The following THAP5 variants were observed in gnomAD, a reference collection of about 807,000 sequenced individuals.
THAP5 encodes THAP domain-containing protein 5.
Under a neutral mutation model 34.0 loss-of-function variants are expected in THAP5, and 26 were observed. That is an observed-to-expected ratio of 0.77 (90% CI 0.56 to 1.06). THAP5 has a LOEUF of 1.06. Ranked by LOEUF, THAP5 falls within the 50% of genes least tolerant of loss-of-function variation. THAP5 has a pLI of 0.00. For synonymous variants in THAP5, 125 were observed against 153.0 expected (o/e 0.82, Z 1.35); for missense variants, 394 against 452.8 (o/e 0.87, Z 1.18).
chr7:108,564,147 G>T lies in THAP5; in HGVS notation c.*44C>A, dbSNP rs1205304797. ...ACTTTACATGTAGTTTGGTTTGGCT[G>T]GAAAAAGCTTATTTAACAGCCATAG... On this transcript the variant is annotated 3_prime_UTR_variant, in exon 3 of 3. Transcript: ENST00000415914. 4 of 1,469,738 alleles carry T rather than the reference G, an allele frequency of 2.7e-6. No homozygotes were observed. The highest frequency in any genetic ancestry group is 1.4e-5 in the South Asian group (1 of 71,770). The allele number at this position is 1,469,738 out of a possible 1,614,324, so 91.0% of individuals were successfully genotyped here.
chr7:108,559,457 A>G (rs1357227795), downstream of THAP5, among the ~76,000 whole-genome samples: 1 of 152,224 alleles, frequency 6.6e-6, no homozygotes, highest in Non-Finnish European at 1.5e-5. Context: ...TACTATTCGT[A>G]TACATGCCAC....
rs1208439248 is a variant in THAP5, at chr7:108,565,077, T to G, written c.302A>C (p.Gln101Pro). ...TTTCTCATCTTCCAAGTTTTTCTTC[T>G]GGGATTTTTTTTTAGAAGGGTCTTT... The part of the protein sequence containing the change: ...QGKDPSKKKS[Q>P]KKNLEDEKEV... Residue 101 changes from glutamine (Q) to proline (P), a missense_variant, in exon 3 of 3, where the codon CAG (glutamine) becomes CCG (proline). Coordinates refer to ENST00000415914, the MANE Select transcript of THAP5 (RefSeq NM_001130475.3). The G allele has an allele frequency of 3.3e-6, 5 of 1,517,314 alleles. No homozygotes were observed. The highest frequency in any genetic ancestry group is 1.7e-4 in the Middle Eastern group (1 of 5,790). 94.0% of individuals were successfully genotyped at this position (1,517,314 alleles called of 1,614,324 possible).
At chr7:108,553,721 AC>A (rs1211244586), downstream of THAP5, among the ~76,000 whole-genome samples, 1 of 152,170 alleles carries the variant, frequency 6.6e-6, no homozygotes, top group African/African-American at 2.4e-5. Flanking sequence ...GTGGCAGAGA[AC>A]CTTGCTGAGG....
rs1181686273 is a variant in THAP5, at chr7:108,565,090, T to A, written c.289A>T (p.Lys97Ter). The change falls in exon 3 of 3, where the codon AAA becomes TAA. Residue 97 changes from lysine (K) to a stop codon, truncating the protein, a stop_gained. Transcript: ENST00000415914. LOFTEE classifies it high-confidence loss of function. ...AAGTTTTTCTTCTGGGATTTTTTTTTAGAAGGGTCTTTTCCCTAGAAAATA... is the reference window on the plus strand; with the variant it reads ...AAGTTTTTCTTCTGGGATTTTTTTTAAGAAGGGTCTTTTCCCTAGAAAATA... Reference protein sequence around the residue: ...PEDNQGKDPSKKKSQKKNLED... With the variant: ...PEDNQGKDPS The A allele has an allele frequency of 1.7e-5, 25 of 1,514,798 alleles. No individual in the cohort carries two copies. The highest frequency in any genetic ancestry group is 2.1e-5 in the Non-Finnish European group (24 of 1,133,570). The allele number at this position is 1,514,798 out of a possible 1,614,324, so 93.8% of individuals were successfully genotyped here.
Position 108,569,309 on chromosome 7 carries a change from C to T in THAP5, c.80+181G>A, listed in dbSNP as rs1011339357. ...TCGCCACCAGCCAGCAGTCCTCGCG[C>T]AAGAAGGGCATTGCTAGCTAAACTG... On this transcript the variant is annotated intron_variant, in intron 1 of 2. Coordinates refer to ENST00000415914, the MANE Select transcript of THAP5 (RefSeq NM_001130475.3). 19 of 1,448,286 alleles carry T rather than the reference C, an allele frequency of 1.3e-5. 1 individual carries two copies. Among genetic ancestry groups the T allele is most frequent in the Non-Finnish European group, 1.4e-5 (15 of 1,104,188 alleles). 89.7% of individuals were successfully genotyped at this position (1,448,286 alleles called of 1,614,324 possible).
intron 1 of THAP5, chr7:108,569,008 A>C: frequency 1.5e-6 from 1 of 669,362 alleles, no homozygotes; most frequent in African/African-American, 2.0e-5. Flanking sequence ...TCTGGCTCTG[A>C]CACTAAACTT....
the THAP5 span, among the ~76,000 whole-genome samples, chr7:108,544,614 C>T: frequency 8.6e-5 from 13 of 151,510 alleles, no homozygotes; most frequent in African/African-American, 2.7e-4. Context: ...GAGTAAAAAA[C>T]GCTTATGAAA....
rs1446947533 is a variant in THAP5, at chr7:108,563,864, G to A, written c.*327C>T. On this transcript the variant is annotated 3_prime_UTR_variant, in exon 3 of 3. Transcript: ENST00000415914. ...AACTTGCCCAAGTCATATGCCAGTGGTAGAACCAGGACTGATTCCTGAACC... is the reference window on the plus strand; with the variant it reads ...AACTTGCCCAAGTCATATGCCAGTGATAGAACCAGGACTGATTCCTGAACC... 1 of 177,292 alleles carries A rather than the reference G, an allele frequency of 5.6e-6. No individual in the cohort carries two copies. Among genetic ancestry groups the A allele is most frequent in the African/African-American group, 2.4e-5 (1 of 42,408 alleles). The allele number at this position is 177,292 out of a possible 1,614,324, so 11.0% of individuals were successfully genotyped here.
chr7:108,559,993 A>G (rs1477422104), downstream of THAP5, among the ~76,000 whole-genome samples: 1 of 152,248 alleles, frequency 6.6e-6, no homozygotes, highest in African/African-American at 2.4e-5. Context: ...TTAAATATTT[A>G]TAGTTTGATC....
At chr7:108,568,981 G>T (rs1358557918) in intron 1 of THAP5, 2 of 410,514 alleles carry the variant, frequency 4.9e-6, no homozygotes, top group Non-Finnish European at 6.7e-6. Flanking sequence ...GCCCTAAGCA[G>T]AAGACTAGTT....
intron 1 of THAP5, among the ~76,000 whole-genome samples, chr7:108,567,081 C>A (rs1036575911): frequency 4.6e-5 from 7 of 152,024 alleles, no homozygotes; most frequent in African/African-American, 1.4e-4. Context: ...TTTTTTCCCC[C>A]TAAATTCTGG....
the THAP5 span, among the ~76,000 whole-genome samples, chr7:108,547,654 T>C: frequency 6.6e-6 from 1 of 152,236 alleles, no homozygotes; most frequent in African/African-American, 2.4e-5. Flanking sequence ...TTTGTAAGAA[T>C]TCTGTGTACA....
At chr7:108,543,830 A>C in the THAP5 span, among the ~76,000 whole-genome samples, 38 of 152,176 alleles carry the variant, frequency 2.5e-4, no homozygotes, top group Non-Finnish European at 4.6e-4. Flanking sequence ...AAACATACAC[A>C]TAGGTAAACA....
chr7:108,551,893 A>G (rs1264428152), downstream of THAP5, among the ~76,000 whole-genome samples: 2 of 152,230 alleles, frequency 1.3e-5, no homozygotes, highest in African/African-American at 4.8e-5. Flanking sequence ...AGAGTGGCTT[A>G]GCTGGACCCA....
In THAP5 at chr7:108,565,892, C is replaced by T. The variant is rs1400827633; in HGVS notation, c.211G>A (p.Gly71Ser). 6.5e-7 allele frequency: 1 copy of T among 1,549,004 alleles called. No individual in the cohort carries two copies. Among genetic ancestry groups the T allele is most frequent in the Admixed American group, 2.0e-5 (1 of 50,632 alleles). ...GCAGTTTGTTTTAAATATCGAATACCCCATCTGATGTCAAGAGAGTCAGGA... is the reference window on the plus strand; with the variant it reads ...GCAGTTTGTTTTAAATATCGAATACTCCATCTGATGTCAAGAGAGTCAGGA... Reference protein sequence around the residue: ...FTPDSLDIRWGIRYLKQTAVP... With the variant: ...FTPDSLDIRWSIRYLKQTAVP... Residue 71 changes from glycine (G) to serine (S), a missense_variant, in exon 2 of 3, where the codon GGT (glycine) becomes AGT (serine). Physicochemically the swap from Gly to Ser is moderately conservative, Grantham distance 56. Transcript: ENST00000415914.
downstream of THAP5, among the ~76,000 whole-genome samples, chr7:108,561,929 T>A (rs924598795): frequency 3.9e-5 from 6 of 152,160 alleles, no homozygotes; most frequent in Admixed American, 1.3e-4. Flanking sequence ...ATTATTATGG[T>A]CCAGAAAGTC....
intron 1 of THAP5, among the ~76,000 whole-genome samples, chr7:108,556,377 A>G (rs1864385896): frequency 6.6e-6 from 1 of 152,208 alleles, no homozygotes. Flanking sequence ...CCTTCTGCCT[A>G]TGAGTCTGTA....
At chr7:108,547,414 C>T in the THAP5 span, among the ~76,000 whole-genome samples, 1 of 152,148 alleles carries the variant, frequency 6.6e-6, no homozygotes, top group South Asian at 2.1e-4. Flanking sequence ...GAACCATGCA[C>T]TGAATAAAAC....
At chr7:108,548,912 G>A in the THAP5 span, among the ~76,000 whole-genome samples, 1 of 152,046 alleles carries the variant, frequency 6.6e-6, no homozygotes, top group Non-Finnish European at 1.5e-5. Context: ...ATAGGAGTGA[G>A]CCCATAGCTC....
Sources: allele counts gnomAD v4.1 joint callset (sites outside exome capture counted in the v4.1 genomes callset), GRCh38; gene constraint gnomAD v4.1.1; transcripts MANE v1.5; gene names NCBI Gene and HGNC (gene_info 2026-07-23, HGNC 2026-07-21).